The following CD83 variants were observed in gnomAD, a reference collection of about 807,000 sequenced individuals.
The protein encoded by CD83 is CD83 antigen.
In CD83, 22 loss-of-function variants were observed where a neutral mutation model predicts 24.6. The ratio of observed to expected loss-of-function variants is 0.90; its 90% CI spans 0.64 to 1.28. CD83 has a LOEUF of 1.28. Among genes scored for constraint, CD83 ranks in the 50% most tolerant of loss-of-function variants. CD83 has a pLI of 0.00. For synonymous variants in CD83, 101 were observed against 103.5 expected (o/e 0.98, Z 0.14); for missense variants, 253 against 252.8 (o/e 1.00, Z -0.01).
At chr6:14,130,955 C>T (rs1400165750) in intron 2 of CD83, among the ~76,000 whole-genome samples, 3 of 152,178 alleles carry the variant, frequency 2.0e-5, no homozygotes, top group Non-Finnish European at 4.4e-5. Flanking sequence ...GCACATTCGG[C>T]GACGTCAGGC....
At chr6:14,118,932 C>T (rs1444978809) in intron 2 of CD83, among the ~76,000 whole-genome samples, 1 of 152,218 alleles carries the variant, frequency 6.6e-6, no homozygotes, top group Non-Finnish European at 1.5e-5. Context: ...CTGTAGCTCT[C>T]ACTGATTTGC....
At position 14,126,934 on chromosome 6, in the gene CD83, GT is replaced by G. The variant is rs11452855; in HGVS notation, c.154-4577del. 9.8e-3 allele frequency among the ~76,000 whole-genome samples: 1,476 copies of G among 150,408 alleles called. 29 individuals are homozygous for G. The highest frequency in any genetic ancestry group is 0.033 in the African/African-American group (1,348 of 40,922). The stretch of plus-strand genomic sequence containing the variant: ...AATTATTAGATGAAATTTTTATACT[GT>G]TTTTTTTTCTTTTAGGTAGGTACCT... On this transcript the variant is annotated intron_variant, in intron 2 of 4. Coordinates refer to ENST00000379153, the MANE Select transcript of CD83 (RefSeq NM_004233.4).
chr6:14,135,475 T>C lies in CD83; in HGVS notation c.*239T>C, dbSNP rs569986737. The C allele has an allele frequency of 2.9e-5, 14 of 483,032 alleles. No homozygotes were observed. The Admixed American group carries it at 3.1e-4, about 11-fold the overall frequency. 29.9% of individuals were successfully genotyped at this position (483,032 alleles called of 1,614,324 possible). A position where few individuals can be genotyped will look rare whatever the true frequency, so the allele number is the denominator to read the frequency against. ...TTCTCCATGGCCACCTTTTCAGCGA[T>C]GTATGCAGCTATCTGGTCAACCTCC... On this transcript the variant is annotated 3_prime_UTR_variant, in exon 5 of 5. Coordinates refer to ENST00000379153, the MANE Select transcript of CD83 (RefSeq NM_004233.4).
chr6:14,118,902 TATG>T (rs1285635956), intron 2 of CD83, among the ~76,000 whole-genome samples: 4 of 152,238 alleles, frequency 2.6e-5, no homozygotes, highest in African/African-American at 9.6e-5. Flanking sequence ...CCCAAATGAA[TATG>T]ATATTACAAC....
Position 14,135,176 on chromosome 6 carries a change from A to T in CD83, c.558A>T (p.Pro186=). ...CTGGCATGGAACGAGCTTTTCTCCCAGTTACCTCCCCAAATAAGCATTTAG... is the reference window on the plus strand; with the variant it reads ...CTGGCATGGAACGAGCTTTTCTCCCTGTTACCTCCCCAAATAAGCATTTAG... ...SKAGMERAFL[P]VTSPNKHLGL... The change falls in exon 5 of 5, where the codon CCA becomes CCT. Residue 186 remains proline, a synonymous_variant. Transcript: ENST00000379153. The T allele has an allele frequency of 6.2e-7, 1 of 1,614,124 alleles. No homozygotes were observed. The highest frequency in any genetic ancestry group is 8.5e-7 in the Non-Finnish European group (1 of 1,179,962).
In CD83 at chr6:14,130,900, A is replaced by G. The variant is rs551160405; in HGVS notation, c.154-620A>G. ...CTGACACATACACTCTCTATAAAGC[A>G]TGCTTCTCAGCTGTCTCACTGCCAT... On this transcript the variant is annotated intron_variant, in intron 2 of 4. Coordinates refer to ENST00000379153, the MANE Select transcript of CD83 (RefSeq NM_004233.4). Among the ~76,000 whole-genome samples the G allele has an allele frequency of 2.0e-5, 3 of 152,300 alleles. No homozygotes were observed. The East Asian group carries it at 5.8e-4, about 29-fold the overall frequency.
chr6:14,124,885 T>G (rs1465911072), intron 2 of CD83, among the ~76,000 whole-genome samples: 1 of 152,158 alleles, frequency 6.6e-6, no homozygotes, highest in Non-Finnish European at 1.5e-5. Context: ...TTTGCAAATG[T>G]AATCAAATTG....
rs113573492 is a variant in CD83, at chr6:14,118,520, G to A, written c.153+455G>A. Among the ~76,000 whole-genome samples the A allele has an allele frequency of 9.4e-3, 1,424 of 152,224 alleles. 30 individuals carry two copies. Among genetic ancestry groups the A allele is most frequent in the African/African-American group, 0.032 (1,338 of 41,528 alleles). On this transcript the variant is annotated intron_variant, in intron 2 of 4. Transcript: ENST00000379153. Reference sequence around the variant, plus strand: ...CCATGATACATGGGAGGGGGAGGGGGCAATTTGAAAGGAAAGGCTAAGACA... The same window carrying A: ...CCATGATACATGGGAGGGGGAGGGGACAATTTGAAAGGAAAGGCTAAGACA...
At chr6:14,121,610 C>T (rs1377941990) in intron 2 of CD83, among the ~76,000 whole-genome samples, 6 of 97,716 alleles carry the variant, frequency 6.1e-5, no homozygotes, top group Admixed American at 2.7e-4. Context: ...TGAGACCTGT[C>T]TCTACCAAAA....
At chr6:14,124,190 G>C (rs1334228133) in intron 2 of CD83, among the ~76,000 whole-genome samples, 1 of 152,212 alleles carries the variant, frequency 6.6e-6, no homozygotes, top group African/African-American at 2.4e-5. Context: ...GTACAGACTT[G>C]GGAGCCCAAG....
chr6:14,131,388 C>T, intron 2 of CD83, 132 bp from the exon 3 acceptor site: 1 of 666,624 alleles, frequency 1.5e-6, no homozygotes, highest in Non-Finnish European at 2.6e-6. Flanking sequence ...AGGTCACACA[C>T]ACACAAAAGC....
Position 14,131,552 on chromosome 6 carries a change from A to G in CD83, c.186A>G (p.Thr62=), listed in dbSNP as rs759149144. Residue 62 remains threonine (T), a synonymous_variant, in exon 3 of 5, where the codon ACA becomes ACG. Transcript: ENST00000379153. Reference sequence around the variant, plus strand: ...AGGGTGGTGAAGAGAGGATGGAGACACCCCAGGAAGACCACCTCAGGGGAC... The same window carrying G: ...AGGGTGGTGAAGAGAGGATGGAGACGCCCCAGGAAGACCACCTCAGGGGAC... ...LLEGGEERME[T]PQEDHLRGQH... 11 of 1,613,930 alleles carry G rather than the reference A, an allele frequency of 6.8e-6. No homozygotes were observed. Among genetic ancestry groups the G allele is most frequent in the Non-Finnish European group, 8.5e-6 (10 of 1,179,968 alleles).
At chr6:14,123,535 C>G (rs1759720304) in intron 2 of CD83, among the ~76,000 whole-genome samples, 1 of 152,160 alleles carries the variant, frequency 6.6e-6, no homozygotes, top group African/African-American at 2.4e-5. Flanking sequence ...TCTTTTCCTT[C>G]TTTTCCTCTT....
Position 14,131,589 on chromosome 6 carries a change from CA to C in CD83, c.224del (p.Gln75ArgfsTer18), listed in dbSNP as rs746690132. On this transcript the variant is annotated frameshift_variant, in exon 3 of 5. Transcript: ENST00000379153. LOFTEE classifies it high-confidence loss of function. ...CCACCTCAGGGGACAGCACTATCATCAGAAGGGGCAAAATGGTTCTTTCGAC... is the reference window on the plus strand; with the variant it reads ...CCACCTCAGGGGACAGCACTATCATCGAAGGGGCAAAATGGTTCTTTCGAC... ...EDHLRGQHYH[Q>X]KGQNGSFDAP... The C allele has an allele frequency of 6.2e-7, 1 of 1,614,156 alleles. No homozygotes were observed. The highest frequency in any genetic ancestry group is 2.2e-5 in the East Asian group (1 of 44,880).
At chr6:14,118,341 G>A (rs2113382865) in intron 2 of CD83, among the ~76,000 whole-genome samples, 1 of 12,216 alleles carries the variant, frequency 8.2e-5, no homozygotes, top group Middle Eastern at 0.017. Context: ...AGATGTTTTG[G>A]AAGGGCAGAG....
At chr6:14,119,161 C>T (rs1001882130) in intron 2 of CD83, among the ~76,000 whole-genome samples, 6 of 152,212 alleles carry the variant, frequency 3.9e-5, no homozygotes, top group Admixed American at 6.5e-5. Flanking sequence ...GTATTCTTCA[C>T]GGCACCTAAT....
chr6:14,121,037 C>T (rs1219205489), intron 2 of CD83, among the ~76,000 whole-genome samples: 2 of 152,210 alleles, frequency 1.3e-5, no homozygotes, highest in Admixed American at 1.3e-4. Context: ...TGGACCATGT[C>T]CTCTTAACTG....
Position 14,135,314 on chromosome 6 carries a change from A to T in CD83, c.*78A>T. ...GTCTGTTACACTGGAGGAGAGAAGA[A>T]TGAGCCTACGCTGAAGATGGCATCC... On this transcript the variant is annotated 3_prime_UTR_variant, in exon 5 of 5. Transcript: ENST00000379153. 1 of 1,489,606 alleles carries T rather than the reference A, an allele frequency of 6.7e-7. No individual in the cohort carries two copies. Among genetic ancestry groups the T allele is most frequent in the Non-Finnish European group, 9.2e-7 (1 of 1,089,804 alleles). The allele number at this position is 1,489,606 out of a possible 1,614,324, so 92.3% of individuals were successfully genotyped here.
At chr6:14,131,468 G>A (rs925655620) in intron 2 of CD83, 52 bp from the exon 3 acceptor site, 31 of 1,304,720 alleles carry the variant, frequency 2.4e-5, no homozygotes, top group Admixed American at 3.6e-5. Flanking sequence ...CATTGGTGTC[G>A]AGTTGGAGTG....
Sources: allele counts gnomAD v4.1 joint callset (sites outside exome capture counted in the v4.1 genomes callset), GRCh38; gene constraint gnomAD v4.1.1; transcripts MANE v1.5; gene names NCBI Gene and HGNC (gene_info 2026-07-23, HGNC 2026-07-21).